Variants in MANBAL observed in about 807,000 individuals in gnomAD.
The protein encoded by MANBAL is mannosidase beta like.
MANBAL carries 1 observed loss-of-function variant against 6.4 expected under a neutral mutation model. The observed-to-expected ratio is 0.16, with a 90% CI of 0.06 to 0.74. The LOEUF is 0.74. MANBAL is among the 30% of genes least tolerant of loss of function. MANBAL has a pLI of 0.78. For missense variants in MANBAL, 100 were observed against 107.8 expected (o/e 0.93, Z 0.32); for synonymous variants, 47 against 45.8 (o/e 1.03, Z -0.10).
intron 2 of MANBAL, among the ~76,000 whole-genome samples, chr20:37,312,540 A>T (rs1228144772): frequency 1.3e-5 from 2 of 152,186 alleles, no homozygotes; most frequent in Non-Finnish European, 2.9e-5. Flanking sequence ...TTTGTTTATA[A>T]ATTGGGCCTC....
intron 2 of MANBAL, among the ~76,000 whole-genome samples, chr20:37,311,714 C>T (rs963867996): frequency 7.2e-5 from 11 of 152,122 alleles, no homozygotes; most frequent in African/African-American, 2.2e-4. Flanking sequence ...CTTGAACTCC[C>T]GACCTCAGGT....
chr20:37,294,979 G>T (rs898634691), intron 1 of MANBAL, among the ~76,000 whole-genome samples: 3 of 152,216 alleles, frequency 2.0e-5, no homozygotes, highest in Admixed American at 2.0e-4. Context: ...AATTAATTAT[G>T]CACCTTTTGT....
chr20:37,314,190 G>C (rs1400863512), intron 2 of MANBAL, among the ~76,000 whole-genome samples: 3 of 152,154 alleles, frequency 2.0e-5, no homozygotes, highest in African/African-American at 7.2e-5. Flanking sequence ...AGCAGGACAT[G>C]GTGACCCACT....
chr20:37,317,080 C>T lies in MANBAL; in HGVS notation c.*665C>T, dbSNP rs544460630. 2 of 152,784 alleles carry T rather than the reference C, an allele frequency of 1.3e-5. No homozygotes were observed. The highest frequency in any genetic ancestry group is 3.9e-4 in the East Asian group (2 of 5,182). The allele number at this position is 152,784 out of a possible 1,614,324, so 9.5% of individuals were successfully genotyped here. A position where few individuals can be genotyped will look rare whatever the true frequency, so the allele number is the denominator to read the frequency against. On this transcript the variant is annotated 3_prime_UTR_variant, in exon 3 of 3. Transcript: ENST00000373606. ...TTTCCTGGGCACAAACTTCCTGAGC[C>T]TCTGAAATGGGAGGCTCGTCAATTT...
chr20:37,308,508 A>C (rs931547337), intron 2 of MANBAL, among the ~76,000 whole-genome samples: 1 of 152,156 alleles, frequency 6.6e-6, no homozygotes, highest in African/African-American at 2.4e-5. Context: ...AAAGTTCTCA[A>C]TAGGGAGTTC....
In MANBAL at chr20:37,316,541, G is replaced by A. The variant is rs749172031; in HGVS notation, c.*126G>A. On this transcript the variant is annotated 3_prime_UTR_variant, in exon 3 of 3. Transcript: ENST00000373606. ...GAGGAGGCTGTGACGCCCTATGACC[G>A]CAGAGATCTAGACAGTCGTAACAGT... 1.3e-5 allele frequency: 9 copies of A among 718,620 alleles called. No homozygotes were observed. The highest frequency in any genetic ancestry group is 3.7e-5 in the South Asian group (2 of 53,850). The allele number at this position is 718,620 out of a possible 1,614,324, so 44.5% of individuals were successfully genotyped here.
chr20:37,307,294 G>A (rs1351784827), intron 2 of MANBAL, among the ~76,000 whole-genome samples: 2 of 152,154 alleles, frequency 1.3e-5, no homozygotes, highest in Non-Finnish European at 1.5e-5. Flanking sequence ...AAGTGTCCAG[G>A]TGATTGTAAT....
chr20:37,301,199 A>G lies in MANBAL; in HGVS notation c.-56-9A>G, dbSNP rs1568600420. On this transcript the variant is annotated splice_polypyrimidine_tract_variant and intron_variant, in intron 1 of 2. Coordinates refer to ENST00000373606, the MANE Select transcript of MANBAL (RefSeq NM_001003897.2). ...CAGAAATATGACACTGACCCTTTGC[A>G]TTTACAAGTTGGTTCTAAAGAGTGG... 1 of 1,411,686 alleles carries G rather than the reference A, an allele frequency of 7.1e-7. No homozygotes were observed. The highest frequency in any genetic ancestry group is 1.7e-5 in the South Asian group (1 of 58,544). 87.4% of individuals were successfully genotyped at this position (1,411,686 alleles called of 1,614,324 possible). A position where few individuals can be genotyped will look rare whatever the true frequency, so the allele number is the denominator to read the frequency against.
At chr20:37,292,152 A>G (rs2068885777) in intron 1 of MANBAL, among the ~76,000 whole-genome samples, 1 of 152,176 alleles carries the variant, frequency 6.6e-6, no homozygotes, top group Non-Finnish European at 1.5e-5. Flanking sequence ...GAAAGTCATT[A>G]TGTACAGCAC....
chr20:37,304,087 TA>T (rs2069203367), intron 2 of MANBAL, among the ~76,000 whole-genome samples: 1 of 152,250 alleles, frequency 6.6e-6, no homozygotes, highest in Non-Finnish European at 1.5e-5. Context: ...AAAATAACTA[TA>T]TTTTTTACTA....
intron 1 of MANBAL, among the ~76,000 whole-genome samples, chr20:37,295,956 G>A (rs931642973): frequency 6.6e-6 from 1 of 152,208 alleles, no homozygotes; most frequent in Non-Finnish European, 1.5e-5. Flanking sequence ...GGGAAGTAAA[G>A]CACAGAGGTG....
At chr20:37,306,006 G>C (rs1325103210) in intron 2 of MANBAL, among the ~76,000 whole-genome samples, 1 of 152,074 alleles carries the variant, frequency 6.6e-6, no homozygotes. Context: ...ACATGGGGAC[G>C]GGGTACTCTT....
chr20:37,310,887 G>C (rs960503903), intron 2 of MANBAL, among the ~76,000 whole-genome samples: 5 of 152,220 alleles, frequency 3.3e-5, no homozygotes, highest in Admixed American at 6.5e-5. Flanking sequence ...TCTGCCGTCT[G>C]TGTGGCTGGT....
At chr20:37,294,902 C>G (rs781044101) in intron 1 of MANBAL, among the ~76,000 whole-genome samples, 4 of 152,204 alleles carry the variant, frequency 2.6e-5, no homozygotes, top group Non-Finnish European at 4.4e-5. Flanking sequence ...TCACCAGTGT[C>G]TGGCATTCAG....
intron 2 of MANBAL, among the ~76,000 whole-genome samples, chr20:37,305,265 G>C (rs2069231102): frequency 6.6e-6 from 1 of 152,212 alleles, no homozygotes; most frequent in Non-Finnish European, 1.5e-5. Flanking sequence ...CCTGCTAAGA[G>C]TCCCGAGGGA....
At chr20:37,311,623 G>A (rs1334909029) in intron 2 of MANBAL, among the ~76,000 whole-genome samples, 1 of 152,120 alleles carries the variant, frequency 6.6e-6, no homozygotes, top group African/African-American at 2.4e-5. Context: ...GAGTAGCTGG[G>A]ATTACAGGCA....
At chr20:37,310,661 G>A (rs772819350) in intron 2 of MANBAL, among the ~76,000 whole-genome samples, 1 of 152,218 alleles carries the variant, frequency 6.6e-6, no homozygotes, top group African/African-American at 2.4e-5. Context: ...TGGATCTGAT[G>A]AATAGCAGCA....
intron 1 of MANBAL, among the ~76,000 whole-genome samples, chr20:37,295,119 C>G (rs2068964333): frequency 6.6e-6 from 1 of 152,162 alleles, no homozygotes. Flanking sequence ...TCTAGGGAAA[C>G]CTCGTGGCCT....
At chr20:37,309,021 G>C (rs1249073906) in intron 2 of MANBAL, among the ~76,000 whole-genome samples, 1 of 152,206 alleles carries the variant, frequency 6.6e-6, no homozygotes, top group African/African-American at 2.4e-5. Flanking sequence ...TATTAGTGGG[G>C]ACTCTTCCTG....
Sources: gnomAD v4.1 joint callset for allele counts (sites outside exome capture counted in the v4.1 genomes callset) on GRCh38, gnomAD v4.1.1 for gene constraint, MANE v1.5 for transcripts, NCBI Gene and HGNC (gene_info 2026-07-23, HGNC 2026-07-21) for gene names.